LRGUK: variants seen among roughly 807,000 people sequenced by gnomAD.
LRGUK encodes the protein leucine rich repeats and guanylate kinase domain containing, also known as leucine-rich repeat and guanylate kinase domain-containing protein.
In LRGUK, 65 loss-of-function variants were observed where a neutral mutation model predicts 76.0. That is an observed-to-expected ratio of 0.85 (90% CI 0.70 to 1.05). LRGUK has a LOEUF of 1.05. Among genes scored for constraint, LRGUK ranks in the 50% least tolerant of loss-of-function variants. The pLI is 0.00. For synonymous variants in LRGUK, 268 were observed against 265.6 expected (o/e 1.01, Z -0.09); for missense variants, 758 against 732.8 (o/e 1.03, Z -0.40).
chr7:134,251,040 ATGTG>A (rs1389251430), intron 18 of LRGUK, among the ~76,000 whole-genome samples: 1 of 152,106 alleles, frequency 6.6e-6, no homozygotes, highest in East Asian at 1.9e-4. Flanking sequence ...GCCTTTTTTG[ATGTG>A]TGTCTTATAT....
chr7:134,209,701 C>G, exon 16 of LRGUK: 1 of 399,670 alleles, frequency 2.5e-6, no homozygotes, highest in Non-Finnish European at 4.4e-6. Context: ...AAGCAGACAC[C>G]AGTAAACTTC....
chr7:134,172,904 T>A (rs534292890), intron 7 of LRGUK, among the ~76,000 whole-genome samples: 46 of 152,196 alleles, frequency 3.0e-4, no homozygotes, highest in Non-Finnish European at 5.3e-4. Context: ...GGAAGGTTCC[T>A]TGAGCTAGGG....
At chr7:134,174,493 A>G (rs1201821804) in intron 7 of LRGUK, 63 bp from the exon 8 acceptor site, 3 of 1,034,308 alleles carry the variant, frequency 2.9e-6, no homozygotes, top group South Asian at 1.4e-5. Context: ...CTTCTATTGT[A>G]TTATGTTTTC....
intron 10 of LRGUK, among the ~76,000 whole-genome samples, chr7:134,179,344 G>A (rs1438623662): frequency 6.6e-6 from 1 of 152,056 alleles, no homozygotes; most frequent in South Asian, 2.1e-4. Context: ...ATACCCAAAG[G>A]CATTTTAAAA....
intron 10 of LRGUK, among the ~76,000 whole-genome samples, chr7:134,183,194 C>T (rs1799831202): frequency 6.6e-6 from 1 of 152,228 alleles, no homozygotes; most frequent in Non-Finnish European, 1.5e-5. Flanking sequence ...TCAGTTTCTT[C>T]ATACGTTAAA....
At chr7:134,156,732 A>G (rs1220925819) in intron 5 of LRGUK, among the ~76,000 whole-genome samples, 3 of 152,254 alleles carry the variant, frequency 2.0e-5, no homozygotes, top group African/African-American at 7.2e-5. Flanking sequence ...TATTCAATCA[A>G]TATTTAAAAA....
chr7:134,247,598 G>A, exon 17 of LRGUK: 1 of 1,613,914 alleles, frequency 6.2e-7, no homozygotes, highest in Non-Finnish European at 8.5e-7. Flanking sequence ...AGCCCGGCAA[G>A]CTCTAATGGG....
chr7:134,202,038 T>G (rs1160847162), intron 15 of LRGUK, among the ~76,000 whole-genome samples: 2 of 152,220 alleles, frequency 1.3e-5, no homozygotes, highest in African/African-American at 2.4e-5. Flanking sequence ...TCAATGTTCC[T>G]GATCCTAGCC....
intron 16 of LRGUK, among the ~76,000 whole-genome samples, chr7:134,235,491 C>G (rs1273709187): frequency 6.6e-6 from 1 of 152,198 alleles, no homozygotes; most frequent in African/African-American, 2.4e-5. Flanking sequence ...CCTGTATCTC[C>G]TACTCTGTGT....
chr7:134,134,113 A>G (rs186710037), intron 1 of LRGUK, among the ~76,000 whole-genome samples: 110 of 152,166 alleles, frequency 7.2e-4, no homozygotes, highest in African/African-American at 2.6e-3. Flanking sequence ...CCCAGTAGGG[A>G]AGGGAGTATA....
At chr7:134,184,055 A>G (rs1298050728) in intron 11 of LRGUK, among the ~76,000 whole-genome samples, 5 of 152,196 alleles carry the variant, frequency 3.3e-5, no homozygotes, top group African/African-American at 1.2e-4. Flanking sequence ...TTCAATAGAT[A>G]TTAACTCTTG....
intron 10 of LRGUK, among the ~76,000 whole-genome samples, chr7:134,183,157 G>C (rs1035848022): frequency 9.9e-5 from 15 of 152,192 alleles, no homozygotes; most frequent in African/African-American, 1.7e-4. Flanking sequence ...CTATCACTTT[G>C]AGCAAGTTAA....
chr7:134,194,725 A>G (rs1800409897), intron 12 of LRGUK, among the ~76,000 whole-genome samples: 2 of 152,178 alleles, frequency 1.3e-5, no homozygotes, highest in Admixed American at 1.3e-4. Context: ...TGTGTAACAC[A>G]GCAAGACTCC....
intron 18 of LRGUK, 150 bp from the exon 19 acceptor site, chr7:134,258,107 C>A: frequency 1.1e-6 from 1 of 889,314 alleles, no homozygotes; most frequent in Non-Finnish European, 1.8e-6. Flanking sequence ...TCTATAGACA[C>A]TGTTGAACAC....
intron 7 of LRGUK, among the ~76,000 whole-genome samples, chr7:134,164,805 C>T (rs17167561): frequency 0.13 from 20,036 of 152,106 alleles, 1,666 homozygotes; most frequent in East Asian, 0.32. Context: ...CAAGAAAAGT[C>T]AGTTATTAGT....
chr7:134,175,480 A>AG (rs1799441454), intron 8 of LRGUK, among the ~76,000 whole-genome samples: 1 of 152,216 alleles, frequency 6.6e-6, no homozygotes, highest in African/African-American at 2.4e-5. Flanking sequence ...AGTAAGAGGC[A>AG]GGGCTTAAAG....
chr7:134,145,395 A>G (rs1797926860), intron 4 of LRGUK, among the ~76,000 whole-genome samples: 1 of 151,934 alleles, frequency 6.6e-6, no homozygotes, highest in African/African-American at 2.4e-5. Flanking sequence ...TTATAGGCAT[A>G]AGCCACTACA....
chr7:134,174,604 C>G, exon 8 of LRGUK: 1 of 1,607,900 alleles, frequency 6.2e-7, no homozygotes, highest in Non-Finnish European at 8.5e-7. Flanking sequence ...ACCCATCCTT[C>G]GAGTTCTCAA....
chr7:134,250,697 T>A (rs1458097057), intron 18 of LRGUK, among the ~76,000 whole-genome samples: 1 of 152,234 alleles, frequency 6.6e-6, no homozygotes, highest in Non-Finnish European at 1.5e-5. Context: ...CCTAGCATTA[T>A]AATTAGTTAA....
Sources: gnomAD v4.1 joint callset for allele counts (sites outside exome capture counted in the v4.1 genomes callset) on GRCh38, gnomAD v4.1.1 for gene constraint, MANE v1.5 for transcripts, NCBI Gene and HGNC (gene_info 2026-07-23, HGNC 2026-07-21) for gene names.